The following MCPH1 variants were observed in gnomAD, a reference collection of about 807,000 sequenced individuals.
MCPH1 encodes the protein microcephalin 1.
MCPH1 carries 104 observed loss-of-function variants against 84.5 expected under a neutral mutation model. The observed-to-expected ratio is 1.23, with a 90% CI of 1.05 to 1.45. The LOEUF (loss-of-function observed/expected upper bound fraction) is 1.45, where lower values mean the gene tolerates loss of function less well. MCPH1 is among the 40% of genes most tolerant of loss of function. The pLI is 0.00. For missense variants in MCPH1, 1,498 were observed against 1,005.7 expected (o/e 1.49, Z -6.62); for synonymous variants, 514 against 366.8 (o/e 1.40, Z -4.58).
At chr8:6,499,482 T>G (rs1021189340) in intron 11 of MCPH1, among the ~76,000 whole-genome samples, 3 of 152,176 alleles carry the variant, frequency 2.0e-5, no homozygotes, top group African/African-American at 7.2e-5. Context: ...ACTGTTTTAA[T>G]TAATAAAAGT....
rs533500799 is a variant in MCPH1, at chr8:6,492,785, G to C, written c.2137-7067G>C. ...ATAAAATTAATAATCTTTCATTATT[G>C]AATTATTGATTGAGTTAAGTAATTA... On this transcript the variant is annotated intron_variant, in intron 11 of 13. Coordinates refer to ENST00000344683, the MANE Select transcript of MCPH1 (RefSeq NM_024596.5). Among the ~76,000 whole-genome samples, 278 of 149,716 alleles carry C rather than the reference G, an allele frequency of 1.9e-3. 1 individual carries two copies. Among genetic ancestry groups the C allele is most frequent in the Non-Finnish European group, 3.5e-3 (235 of 67,536 alleles).
At chr8:6,427,859 C>T (rs934693453) in intron 3 of MCPH1, among the ~76,000 whole-genome samples, 4 of 150,660 alleles carry the variant, frequency 2.7e-5, no homozygotes, top group African/African-American at 9.8e-5. Context: ...GTGGCGTGAT[C>T]TCGGCTCACT....
intron 12 of MCPH1, chr8:6,562,786 A>G: frequency 6.2e-7 from 1 of 1,613,866 alleles, no homozygotes; most frequent in Non-Finnish European, 8.5e-7. Context: ...GCAGTTGTCC[A>G]TCTCTGGCAG....
chr8:6,584,642 C>T (rs779868737), intron 12 of MCPH1, among the ~76,000 whole-genome samples: 19 of 152,254 alleles, frequency 1.2e-4, no homozygotes, highest in East Asian at 7.7e-4. Flanking sequence ...TCTCAGTGTT[C>T]GCTACACGTC....
chr8:6,601,800 C>G (rs1586761439), intron 12 of MCPH1, among the ~76,000 whole-genome samples: 2 of 152,228 alleles, frequency 1.3e-5, no homozygotes, highest in South Asian at 4.1e-4. Flanking sequence ...CCACACCACA[C>G]ACACACAAGC....
At chr8:6,449,351 C>T (rs546203081) in intron 8 of MCPH1, among the ~76,000 whole-genome samples, 1 of 152,092 alleles carries the variant, frequency 6.6e-6, no homozygotes, top group African/African-American at 2.4e-5. Flanking sequence ...TAGGAAATTC[C>T]GGCCAGGTGT....
At chr8:6,557,909 T>C (rs1824905961) in intron 12 of MCPH1, among the ~76,000 whole-genome samples, 1 of 152,094 alleles carries the variant, frequency 6.6e-6, no homozygotes, top group African/African-American at 2.4e-5. Context: ...TGTGGCCAGA[T>C]ATGGAAAGAT....
chr8:6,483,743 C>G (rs1227185068), intron 11 of MCPH1, among the ~76,000 whole-genome samples: 1 of 152,104 alleles, frequency 6.6e-6, no homozygotes, highest in Non-Finnish European at 1.5e-5. Context: ...GCCTGTAATC[C>G]CAGCTACTCA....
At chr8:6,504,575 A>C (rs1394864676) in intron 12 of MCPH1, among the ~76,000 whole-genome samples, 3 of 152,124 alleles carry the variant, frequency 2.0e-5, no homozygotes, top group Non-Finnish European at 4.4e-5. Flanking sequence ...AAAGTGCAAG[A>C]GTGATGATGC....
At position 6,455,285 on chromosome 8, in the gene MCPH1, A is replaced by G. The variant is rs545536584; in HGVS notation, c.1935+33A>G. 5 of 1,364,644 alleles carry G rather than the reference A, an allele frequency of 3.7e-6. No individual in the cohort carries two copies. In the East Asian group the frequency reaches 9.1e-5, roughly 25 times the overall value. The allele number at this position is 1,364,644 out of a possible 1,614,324, so 84.5% of individuals were successfully genotyped here. On this transcript the variant is annotated intron_variant, in intron 9 of 13. Transcript: ENST00000344683. ...TGTAAAAATATTATTTTAAACTTTCAAATGCTGATACATCATAATGTTCTT... is the reference window on the plus strand; with the variant it reads ...TGTAAAAATATTATTTTAAACTTTCGAATGCTGATACATCATAATGTTCTT...
At chr8:6,447,116 C>T (rs1804507011) in intron 8 of MCPH1, 11 of 985,322 alleles carry the variant, frequency 1.1e-5, no homozygotes, top group African/African-American at 7.0e-5. Context: ...CGGGAAGTCA[C>T]TGGGTTCTAG....
At chr8:6,513,588 C>G in intron 12 of MCPH1, 1 of 1,059,072 alleles carries the variant, frequency 9.4e-7, no homozygotes, top group Non-Finnish European at 1.3e-6. Flanking sequence ...CCACCTCGGC[C>G]TCCCAAAGTG....
At chr8:6,611,255 C>T (rs895604551) in intron 12 of MCPH1, among the ~76,000 whole-genome samples, 4 of 152,176 alleles carry the variant, frequency 2.6e-5, no homozygotes, top group African/African-American at 9.7e-5. Flanking sequence ...ATTGTGGCAC[C>T]GCCTGCCTGG....
At chr8:6,582,518 C>T (rs1257929914) in intron 12 of MCPH1, among the ~76,000 whole-genome samples, 1 of 152,216 alleles carries the variant, frequency 6.6e-6, no homozygotes, top group Non-Finnish European at 1.5e-5. Context: ...ACGTTCTCTT[C>T]ATTGATCCTT....
intron 12 of MCPH1, among the ~76,000 whole-genome samples, chr8:6,595,923 G>C (rs186361713): frequency 6.6e-6 from 1 of 152,214 alleles, no homozygotes; most frequent in Non-Finnish European, 1.5e-5. Flanking sequence ...AAAAAGGGAA[G>C]ACGATTAATC....
intron 9 of MCPH1, chr8:6,474,123 C>A: frequency 1.3e-6 from 1 of 763,928 alleles, no homozygotes; most frequent in Non-Finnish European, 2.4e-6. Context: ...AAATCACAAC[C>A]GTGGTAATCA....
chr8:6,583,448 A>C, intron 12 of MCPH1, among the ~76,000 whole-genome samples: 1 of 152,216 alleles, frequency 6.6e-6, no homozygotes, highest in East Asian at 1.9e-4. Flanking sequence ...AAACCGACAA[A>C]ATTCTTGCCA....
chr8:6,423,637 A>G (rs1222978378), intron 3 of MCPH1, among the ~76,000 whole-genome samples: 1 of 152,158 alleles, frequency 6.6e-6, no homozygotes, highest in Non-Finnish European at 1.5e-5. Context: ...TCAATTAGAA[A>G]TATTACAGCA....
chr8:6,549,922 C>T (rs1316324880), intron 12 of MCPH1, among the ~76,000 whole-genome samples: 1 of 152,212 alleles, frequency 6.6e-6, no homozygotes, highest in Non-Finnish European at 1.5e-5. Context: ...AAAACAGAGA[C>T]AGCAGGGCTC....
Sources: allele counts gnomAD v4.1 joint callset (sites outside exome capture counted in the v4.1 genomes callset), GRCh38; gene constraint gnomAD v4.1.1; transcripts MANE v1.5; gene names NCBI Gene and HGNC (gene_info 2026-07-23, HGNC 2026-07-21).